The following SALL3 variants were observed in gnomAD, a reference collection of about 807,000 sequenced individuals.
SALL3 encodes spalt like transcription factor 3.
In SALL3, 25 loss-of-function variants were observed where a neutral mutation model predicts 66.2. The ratio of observed to expected loss-of-function variants is 0.38; its 90% CI spans 0.28 to 0.53. SALL3 has a LOEUF of 0.53. Among genes scored for constraint, SALL3 ranks in the 20% least tolerant of loss-of-function variants. The pLI is 0.85. For synonymous variants in SALL3, 1,152 were observed against 899.1 expected, an observed-to-expected ratio of 1.28 and a Z score of -5.03; for missense variants, 2,194 against 1,916.5, an observed-to-expected ratio of 1.14 and a Z score of -2.70.
Position 78,997,448 on chromosome 18 carries a change from C to T in SALL3, c.*126C>T. On this transcript the variant is annotated 3_prime_UTR_variant, in exon 3 of 3. Coordinates refer to ENST00000537592, the MANE Select transcript of SALL3 (RefSeq NM_171999.4). ...TAGCAGAAAACACTTTGTGCGGCTG[C>T]CGAGAGGTGGTCTTGTAAGCGCTGC... 3.1e-6 allele frequency: 3 copies of T among 956,360 alleles called. No individual in the cohort carries two copies. In the East Asian group the frequency reaches 7.6e-5, roughly 24 times the overall value. 59.2% of individuals were successfully genotyped at this position (956,360 alleles called of 1,614,324 possible).
At chr18:78,983,688 T>G (rs574445290) in intron 1 of SALL3, among the ~76,000 whole-genome samples, 25 of 152,342 alleles carry the variant, frequency 1.6e-4, no homozygotes, top group African/African-American at 6.0e-4. Context: ...TATCTGTATA[T>G]GCATGGTTTG....
At chr18:78,987,663 G>T (rs926251208) in intron 1 of SALL3, among the ~76,000 whole-genome samples, 3 of 152,214 alleles carry the variant, frequency 2.0e-5, no homozygotes, top group Admixed American at 6.5e-5. Flanking sequence ...TTTGAGATCA[G>T]CTAAGGCGGG....
chr18:78,994,616 G>A lies in SALL3; in HGVS notation c.2625G>A (p.Leu875=). The change falls in exon 2 of 3, where the codon CTG becomes CTA. Residue 875 remains leucine, a synonymous_variant. Coordinates refer to ENST00000537592, the MANE Select transcript of SALL3 (RefSeq NM_171999.4). The stretch of plus-strand genomic sequence containing the variant: ...ACGGGTCCGGGGAGAGTGACCGCCT[G>A]AGCAACGACTCCTCGTCGGCCGTGG... ...VENGSGESDR[L]SNDSSSAVGD... is the part of the protein sequence containing the mutation. The A allele has an allele frequency of 6.2e-7, 1 of 1,609,150 alleles. No individual in the cohort carries two copies. The highest frequency in any genetic ancestry group is 8.5e-7 in the Non-Finnish European group (1 of 1,177,606).
Position 78,993,115 on chromosome 18 carries a change from A to G in SALL3, c.1124A>G (p.Asn375Ser), listed in dbSNP as rs1291632598. The change falls in exon 2 of 3, where the codon AAC (asparagine) becomes AGC (serine). Residue 375 changes from asparagine to serine, a missense_variant. Coordinates refer to ENST00000537592, the MANE Select transcript of SALL3 (RefSeq NM_171999.4). ...TCCGCCAGCGGCGTCATCTTCCCCA[A>G]CCCGCTGGTCAGCATCGCGGCCACG... ...QTSASGVIFP[N>S]PLVSIAATAN... is the part of the protein sequence containing the mutation. 6 of 1,603,288 alleles carry G rather than the reference A, an allele frequency of 3.7e-6. No homozygotes were observed. In the South Asian group the frequency reaches 4.5e-5, roughly 12 times the overall value.
Position 78,998,497 on chromosome 18 carries a change from A to G in SALL3, c.*1175A>G, listed in dbSNP as rs986451867. The G allele has an allele frequency of 6.6e-6, 1 of 152,186 alleles. No individual in the cohort carries two copies. The highest frequency in any genetic ancestry group is 2.1e-4 in the South Asian group (1 of 4,830). 9.4% of individuals were successfully genotyped at this position (152,186 alleles called of 1,614,324 possible). ...TTTATTTAACTTTTCCACAAAGCCC[A>G]CTTTAAAACTGTGACCGCCCCCTAA... On this transcript the variant is annotated 3_prime_UTR_variant, in exon 3 of 3. Coordinates refer to ENST00000537592, the MANE Select transcript of SALL3 (RefSeq NM_171999.4).
intron 1 of SALL3, among the ~76,000 whole-genome samples, chr18:78,987,980 C>A (rs1276964819): frequency 6.6e-6 from 1 of 151,656 alleles, no homozygotes; most frequent in Non-Finnish European, 1.5e-5. Flanking sequence ...GCCCCTTAAA[C>A]AAAGAGAGGA....
Position 78,980,316 on chromosome 18 carries a change from G to T in SALL3, c.42G>T (p.Ser14=). 7.0e-7 allele frequency: 1 copy of T among 1,437,750 alleles called. No homozygotes were observed. 89.1% of individuals were successfully genotyped at this position (1,437,750 alleles called of 1,614,324 possible). A position where few individuals can be genotyped will look rare whatever the true frequency, so the allele number is the denominator to read the frequency against. Residue 14 remains serine (S), a synonymous_variant, in exon 1 of 3, where the codon TCG becomes TCT. Coordinates refer to ENST00000537592, the MANE Select transcript of SALL3 (RefSeq NM_171999.4). ...AGGCCAAGCCCCAGCACCTCAAGTC[G>T]GACGAGGAGCTGCTGCCGCCTGACG... ...RKQAKPQHLK[S]DEELLPPDGA...
In SALL3 at chr18:78,994,300, C is replaced by A. The variant is rs1001027622; in HGVS notation, c.2309C>A (p.Pro770Gln). The stretch of plus-strand genomic sequence containing the variant: ...ATGGGCGGCCAGATCCCCAACACGC[C>A]GCTGCCGGAGGGCTTCCAGGATGCC... ...MHMGGQIPNT[P>Q]LPEGFQDAMD... Residue 770 changes from proline (P) to glutamine (Q), a missense_variant, in exon 2 of 3, where the codon CCG (proline) becomes CAG (glutamine). By Grantham distance (76) the Pro-to-Gln change is moderately conservative. Coordinates refer to ENST00000537592, the MANE Select transcript of SALL3 (RefSeq NM_171999.4). The A allele has an allele frequency of 6.2e-7, 1 of 1,613,616 alleles. No individual in the cohort carries two copies. Among genetic ancestry groups the A allele is most frequent in the African/African-American group, 1.3e-5 (1 of 74,956 alleles).
chr18:78,983,417 G>A (rs952109319), intron 1 of SALL3, among the ~76,000 whole-genome samples: 21 of 152,140 alleles, frequency 1.4e-4, no homozygotes, highest in African/African-American at 5.1e-4. Flanking sequence ...TTTTGTTGTT[G>A]TTAGAAAATA....
chr18:78,994,183 C>T lies in SALL3; in HGVS notation c.2192C>T (p.Ala731Val). The change falls in exon 2 of 3, where the codon GCA (alanine) becomes GTA (valine). Residue 731 changes from alanine (A) to valine (V), a missense_variant. Ala to Val is a moderately conservative substitution (Grantham distance 64). Transcript: ENST00000537592. ...AAGACGCACTTCGGCGTGCACCGTG[C>T]AAAGCCGCCCCTGCGCGTGCAGCAC... ...NLKTHFGVHRAKPPLRVQHSC... is the reference protein window; with the variant it reads ...NLKTHFGVHRVKPPLRVQHSC... 1 of 1,613,316 alleles carries T rather than the reference C, an allele frequency of 6.2e-7. No homozygotes were observed. Among genetic ancestry groups the T allele is most frequent in the Non-Finnish European group, 8.5e-7 (1 of 1,179,992 alleles).
At chr18:78,985,332 AAGAAG>A (rs1199960775) in intron 1 of SALL3, among the ~76,000 whole-genome samples, 1 of 152,192 alleles carries the variant, frequency 6.6e-6, no homozygotes, top group African/African-American at 2.4e-5. Context: ...GTTCTTAAAG[AAGAAG>A]AGAAAACGGC....
intron 1 of SALL3, 106 bp from the exon 2 acceptor site, chr18:78,991,968 G>A (rs1914447114): frequency 2.2e-6 from 2 of 896,230 alleles, no homozygotes; most frequent in African/African-American, 1.7e-5. Flanking sequence ...AAATGTCGAA[G>A]TGGGGTAATT....
chr18:78,992,067 C>G lies in SALL3; in HGVS notation c.83-7C>G. 1 of 1,472,090 alleles carries G rather than the reference C, an allele frequency of 6.8e-7. No individual in the cohort carries two copies. The highest frequency in any genetic ancestry group is 9.0e-7 in the Non-Finnish European group (1 of 1,108,122). The allele number at this position is 1,472,090 out of a possible 1,614,324, so 91.2% of individuals were successfully genotyped here. ...GCCCCGGCTGACTCACTCTCTTGGT[C>G]TTGCAGCCGCCCCGGGGGAAGGTGC... On this transcript the variant is annotated splice_region_variant and splice_polypyrimidine_tract_variant and intron_variant, in intron 1 of 2. Transcript: ENST00000537592.
chr18:78,985,062 TC>T (rs1914199820), intron 1 of SALL3: 2 of 152,264 alleles, frequency 1.3e-5, no homozygotes, highest in African/African-American at 4.8e-5. Context: ...CGACCGTCTC[TC>T]CCTGAAGGTG....
At chr18:78,989,134 A>C (rs560712935) in intron 1 of SALL3, among the ~76,000 whole-genome samples, 1 of 152,352 alleles carries the variant, frequency 6.6e-6, no homozygotes, top group South Asian at 2.1e-4. Flanking sequence ...ATGACTTACT[A>C]TGTGGCAGAA....
rs1914576562 is a variant in SALL3, at chr18:78,993,920, C to T, written c.1929C>T (p.Phe643=). The part of the protein sequence containing the change: ...SPGLPAVSEQ[F]KAQFPFGGLL... ...GGCTGCCCGCCGTCTCCGAGCAGTT[C>T]AAGGCCCAGTTTCCGTTCGGGGGGC... The change falls in exon 2 of 3, where the codon TTC becomes TTT. Residue 643 remains phenylalanine, a synonymous_variant. Transcript: ENST00000537592. 6.2e-7 allele frequency: 1 copy of T among 1,604,876 alleles called. No individual in the cohort carries two copies. Among genetic ancestry groups the T allele is most frequent in the Non-Finnish European group, 8.5e-7 (1 of 1,176,246 alleles).
Position 78,980,204 on chromosome 18 carries a change from C to G in SALL3, c.-71C>G, listed in dbSNP as rs1264162413. 8.0e-6 allele frequency: 6 copies of G among 753,336 alleles called. No homozygotes were observed. In the African/African-American group the frequency reaches 9.7e-5, roughly 12 times the overall value. 46.7% of individuals were successfully genotyped at this position (753,336 alleles called of 1,614,324 possible). A position where few individuals can be genotyped will look rare whatever the true frequency, so the allele number is the denominator to read the frequency against. ...CCCGCGCCGCGCGCCCGCCAGGCCG[C>G]CCCGCGCCGTCCCCGCCGGCCGCCC... On this transcript the variant is annotated 5_prime_UTR_variant, in exon 1 of 3. Transcript: ENST00000537592.
intron 1 of SALL3, among the ~76,000 whole-genome samples, chr18:78,990,170 C>T (rs959717459): frequency 6.6e-6 from 1 of 152,162 alleles, no homozygotes; most frequent in African/African-American, 2.4e-5. Context: ...TGCTAATGTG[C>T]CTATCTGCAG....
chr18:78,980,326 C>T lies in SALL3; in HGVS notation c.52C>T (p.Leu18=). ...CCAGCACCTCAAGTCGGACGAGGAGCTGCTGCCGCCTGACGGGGCTCCCGA... is the reference window on the plus strand; with the variant it reads ...CCAGCACCTCAAGTCGGACGAGGAGTTGCTGCCGCCTGACGGGGCTCCCGA... ...KPQHLKSDEE[L]LPPDGAPEHA... Residue 18 remains leucine, a synonymous_variant, in exon 1 of 3, where the codon CTG becomes TTG. Coordinates refer to ENST00000537592, the MANE Select transcript of SALL3 (RefSeq NM_171999.4). The T allele has an allele frequency of 1.4e-6, 2 of 1,441,462 alleles. No individual in the cohort carries two copies. Among genetic ancestry groups the T allele is most frequent in the Non-Finnish European group, 1.8e-6 (2 of 1,091,740 alleles). The allele number at this position is 1,441,462 out of a possible 1,614,324, so 89.3% of individuals were successfully genotyped here. A position where few individuals can be genotyped will look rare whatever the true frequency, so the allele number is the denominator to read the frequency against.
Sources: allele counts gnomAD v4.1 joint callset (sites outside exome capture counted in the v4.1 genomes callset), GRCh38; gene constraint gnomAD v4.1.1; transcripts MANE v1.5; gene names NCBI Gene and HGNC (gene_info 2026-07-23, HGNC 2026-07-21).